Variants in RGS6 observed in about 807,000 individuals in gnomAD.
RGS6 encodes regulator of G-protein signaling 6.
RGS6 carries 30 observed loss-of-function variants against 78.5 expected under a neutral mutation model. The observed-to-expected ratio is 0.38, with a 90% CI of 0.29 to 0.52. The LOEUF is 0.52. Among genes scored for constraint, RGS6 ranks in the 20% least tolerant of loss-of-function variants. The probability of loss-of-function intolerance (pLI) is 0.85; values close to 1 mark genes in which losing one functional copy is unlikely to be tolerated. For synonymous variants in RGS6, 206 were observed against 206.0 expected (o/e 1.00, Z 0.00); for missense variants, 495 against 609.7 (o/e 0.81, Z 1.98).
chr14:71,946,187 G>A (rs948747421), intron 1 of RGS6, among the ~76,000 whole-genome samples: 1 of 152,124 alleles, frequency 6.6e-6, no homozygotes, highest in Non-Finnish European at 1.5e-5. Context: ...CTTGGCTGTT[G>A]GTTTCTGCCG....
intron 2 of RGS6, among the ~76,000 whole-genome samples, chr14:72,098,425 G>C (rs189026811): frequency 6.6e-6 from 1 of 152,216 alleles, no homozygotes; most frequent in Non-Finnish European, 1.5e-5. Flanking sequence ...AGCACTCCCC[G>C]TGCCTTCATG....
downstream of RGS6, among the ~76,000 whole-genome samples, chr14:72,570,386 T>C (rs2097718925): frequency 6.6e-6 from 1 of 152,116 alleles, no homozygotes. Flanking sequence ...ACAACTGTAC[T>C]AGGAAACAAA....
chr14:71,956,876 A>G (rs2092830026), intron 1 of RGS6, among the ~76,000 whole-genome samples: 1 of 152,196 alleles, frequency 6.6e-6, no homozygotes, highest in Non-Finnish European at 1.5e-5. Context: ...CAGTGTGAAT[A>G]GTGAAGGTGA....
chr14:71,978,314 TGA>T, intron 2 of RGS6, among the ~76,000 whole-genome samples: 1 of 121,962 alleles, frequency 8.2e-6, no homozygotes, highest in East Asian at 2.4e-4. Context: ...ATAGGAGTGG[TGA>T]GAGAGGGCAT....
intron 2 of RGS6, among the ~76,000 whole-genome samples, chr14:72,248,129 C>G (rs1192747383): frequency 2.0e-5 from 3 of 152,160 alleles, no homozygotes; most frequent in Non-Finnish European, 1.5e-5. Flanking sequence ...GTCCTAGAGA[C>G]CTTTCCAGGG....
intron 2 of RGS6, among the ~76,000 whole-genome samples, chr14:72,299,746 T>A (rs116492604): frequency 0.012 from 1,838 of 152,350 alleles, 45 homozygotes; most frequent in African/African-American, 0.043. Flanking sequence ...GTTGAGCATC[T>A]TCCCATGTGC....
At position 72,504,536 on chromosome 14, in the gene RGS6, C is replaced by G. The variant is rs367663070; in HGVS notation, c.966-5618C>G. ...CTGGTGATATATGTCTCATTTATGT[C>G]TAAAACTCATCAGAATGGCCTTTAC... On this transcript the variant is annotated intron_variant, in intron 13 of 17. Transcript: ENST00000553525. 2.0e-5 allele frequency among the ~76,000 whole-genome samples: 3 copies of G among 152,308 alleles called. No individual in the cohort carries two copies. In the East Asian group the frequency reaches 5.8e-4, roughly 29 times the overall value.
intron 3 of RGS6, among the ~76,000 whole-genome samples, chr14:72,409,977 G>A (rs1334028857): frequency 6.6e-6 from 1 of 152,116 alleles, no homozygotes; most frequent in African/African-American, 2.4e-5. Context: ...TGGACATTTG[G>A]CTTGGTTCCA....
chr14:72,107,716 C>A, intron 2 of RGS6, among the ~76,000 whole-genome samples: 1 of 152,030 alleles, frequency 6.6e-6, no homozygotes, highest in South Asian at 2.1e-4. Context: ...CAATTCAGGA[C>A]TACAGGGTTT....
At chr14:72,451,813 C>T (rs1176156248) in intron 3 of RGS6, among the ~76,000 whole-genome samples, 3 of 152,098 alleles carry the variant, frequency 2.0e-5, no homozygotes, top group South Asian at 2.1e-4. Flanking sequence ...AGTGTAGTGG[C>T]GCGATCTCGG....
intron 3 of RGS6, among the ~76,000 whole-genome samples, chr14:72,364,318 AC>A (rs1429868219): frequency 6.6e-6 from 1 of 152,122 alleles, no homozygotes; most frequent in Non-Finnish European, 1.5e-5. Context: ...TAGAGAAAAA[AC>A]CCAGGTCACT....
At chr14:72,207,161 TCTTC>T (rs1359269619) in intron 2 of RGS6, among the ~76,000 whole-genome samples, 2 of 152,234 alleles carry the variant, frequency 1.3e-5, no homozygotes, top group East Asian at 3.8e-4. Context: ...TTACTATTAA[TCTTC>T]CATACCTTTT....
At chr14:71,909,445 G>C in the RGS6 span, among the ~76,000 whole-genome samples, 1 of 152,078 alleles carries the variant, frequency 6.6e-6, no homozygotes. Flanking sequence ...GTGTATGTGT[G>C]AGAGACAGAC....
chr14:72,338,371 C>A (rs1241305884), intron 2 of RGS6, among the ~76,000 whole-genome samples: 30 of 152,106 alleles, frequency 2.0e-4, no homozygotes, highest in Admixed American at 2.0e-3. Context: ...GAGTGAGAGC[C>A]AAGCAAAAGA....
chr14:72,241,305 A>G (rs892585768), intron 2 of RGS6, among the ~76,000 whole-genome samples: 1 of 152,224 alleles, frequency 6.6e-6, no homozygotes, highest in Non-Finnish European at 1.5e-5. Flanking sequence ...TGTGCATATT[A>G]ACAACCCCTT....
At chr14:72,169,781 C>T (rs149370861) in intron 2 of RGS6, among the ~76,000 whole-genome samples, 8 of 152,260 alleles carry the variant, frequency 5.3e-5, no homozygotes, top group African/African-American at 1.9e-4. Flanking sequence ...TACTCTTTCT[C>T]CTTTTCTTCT....
At chr14:72,521,214 T>C (rs1362255039) in intron 15 of RGS6, among the ~76,000 whole-genome samples, 1 of 152,224 alleles carries the variant, frequency 6.6e-6, no homozygotes, top group East Asian at 1.9e-4. Flanking sequence ...ATCCTGACTT[T>C]CAAGGGCACT....
At chr14:72,344,862 G>A (rs1164250588) in intron 2 of RGS6, among the ~76,000 whole-genome samples, 1 of 152,164 alleles carries the variant, frequency 6.6e-6, no homozygotes, top group Non-Finnish European at 1.5e-5. Context: ...TGCAGTGTGG[G>A]AAACAGATCA....
chr14:72,132,997 T>C (rs952141816), intron 2 of RGS6, among the ~76,000 whole-genome samples: 3 of 152,190 alleles, frequency 2.0e-5, no homozygotes, highest in Non-Finnish European at 4.4e-5. Flanking sequence ...CATAGTTTTG[T>C]AGTGTTTCTT....
Sources: allele counts gnomAD v4.1 joint callset (sites outside exome capture counted in the v4.1 genomes callset), GRCh38; gene constraint gnomAD v4.1.1; transcripts MANE v1.5; gene names NCBI Gene and HGNC (gene_info 2026-07-23, HGNC 2026-07-21).